The following PABPC4L variants were observed in gnomAD, a reference collection of about 807,000 sequenced individuals.
PABPC4L encodes the protein poly(A) binding protein cytoplasmic 4 like, also known as polyadenylate-binding protein 4-like.
For missense variants in PABPC4L, 452 were observed against 451.4 expected, an observed-to-expected ratio of 1.00 and a Z score of -0.01; for synonymous variants, 169 against 164.1, an observed-to-expected ratio of 1.03 and a Z score of -0.23.
chr4:134,117,830 G>A, the PABPC4L span, among the ~76,000 whole-genome samples: 34 of 151,884 alleles, frequency 2.2e-4, no homozygotes, highest in South Asian at 1.5e-3. Flanking sequence ...GAGGCAATGC[G>A]CCCTGAGGAT....
the PABPC4L span, among the ~76,000 whole-genome samples, chr4:133,996,385 A>C: frequency 5.3e-5 from 8 of 152,122 alleles, no homozygotes; most frequent in African/African-American, 1.9e-4. Context: ...GGGTTATGGG[A>C]AACAATAGTC....
chr4:134,191,799 A>T (rs563130895), downstream of PABPC4L, among the ~76,000 whole-genome samples: 1 of 152,086 alleles, frequency 6.6e-6, no homozygotes, highest in African/African-American at 2.4e-5. Flanking sequence ...TCAATATCCT[A>T]ACTTCTCATC....
chr4:134,014,533 C>A, the PABPC4L span, among the ~76,000 whole-genome samples: 1 of 152,160 alleles, frequency 6.6e-6, no homozygotes, highest in Non-Finnish European at 1.5e-5. Context: ...TGGGACCCCA[C>A]TGGAAATCGG....
chr4:134,100,026 GTGAATGAAATGAA>G, the PABPC4L span, among the ~76,000 whole-genome samples: 13 of 151,660 alleles, frequency 8.6e-5, no homozygotes, highest in Admixed American at 3.3e-4. Context: ...ACAGATTGCT[GTGAATGAAATGAA>G]TGAATGAAAT....
the PABPC4L span, among the ~76,000 whole-genome samples, chr4:134,011,753 A>G: frequency 6.6e-6 from 1 of 152,168 alleles, no homozygotes; most frequent in Non-Finnish European, 1.5e-5. Context: ...AACCCAGAAG[A>G]GTAATTTAAC....
chr4:134,058,745 A>G, the PABPC4L span, among the ~76,000 whole-genome samples: 1 of 152,112 alleles, frequency 6.6e-6, no homozygotes, highest in Non-Finnish European at 1.5e-5. Context: ...AGATAAATAT[A>G]TTGAGAAATA....
At chr4:134,142,383 G>A in the PABPC4L span, among the ~76,000 whole-genome samples, 23 of 151,660 alleles carry the variant, frequency 1.5e-4, no homozygotes, top group Non-Finnish European at 2.1e-4. Context: ...AAGCATAGTC[G>A]AACCTTCTTA....
At chr4:133,973,033 C>A in the PABPC4L span, among the ~76,000 whole-genome samples, 4 of 152,164 alleles carry the variant, frequency 2.6e-5, no homozygotes, top group East Asian at 7.7e-4. Context: ...CAGAGAGCCA[C>A]AGAAATTGTT....
At chr4:134,071,179 TG>T in the PABPC4L span, among the ~76,000 whole-genome samples, 1 of 152,194 alleles carries the variant, frequency 6.6e-6, no homozygotes, top group African/African-American at 2.4e-5. Flanking sequence ...CATGGCTTCC[TG>T]AGGAGTCAGT....
chr4:133,975,332 G>A, the PABPC4L span, among the ~76,000 whole-genome samples: 1 of 152,058 alleles, frequency 6.6e-6, no homozygotes, highest in African/African-American at 2.4e-5. Context: ...TGCAGACTGG[G>A]GGAAGGGGAA....
chr4:134,012,557 T>G, the PABPC4L span, among the ~76,000 whole-genome samples: 1 of 152,106 alleles, frequency 6.6e-6, no homozygotes, highest in East Asian at 1.9e-4. Flanking sequence ...TGCACCCAGG[T>G]GATTAAAAGC....
chr4:134,196,610 T>A lies in PABPC4L; in HGVS notation c.*3297A>T, dbSNP rs1283509386. 2 of 151,716 alleles carry A rather than the reference T, an allele frequency of 1.3e-5. No homozygotes were observed. The highest frequency in any genetic ancestry group is 3.0e-5 in the Non-Finnish European group (2 of 67,684). 9.4% of individuals were successfully genotyped at this position (151,716 alleles called of 1,614,324 possible). On this transcript the variant is annotated 3_prime_UTR_variant, in exon 2 of 2. Transcript: ENST00000421491. ...TCAAGGCATATCTATGTACATTAGCTTTTACTGGAATGCTTATCAGAAAAG... is the reference window on the plus strand; with the variant it reads ...TCAAGGCATATCTATGTACATTAGCATTTACTGGAATGCTTATCAGAAAAG...
At chr4:133,950,743 T>C in the PABPC4L span, among the ~76,000 whole-genome samples, 2 of 152,216 alleles carry the variant, frequency 1.3e-5, no homozygotes, top group Non-Finnish European at 2.9e-5. Flanking sequence ...GGAAGCTTGC[T>C]TAGCAGCTAC....
chr4:134,084,750 A>G, the PABPC4L span, among the ~76,000 whole-genome samples: 1 of 152,144 alleles, frequency 6.6e-6, no homozygotes, highest in Non-Finnish European at 1.5e-5. Context: ...CTGTCTTTTC[A>G]ACACATTTTT....
rs1729869722 is a variant in PABPC4L, at chr4:134,201,196, A to C, written c.-177T>G. 1 of 1,545,936 alleles carries C rather than the reference A, an allele frequency of 6.5e-7. No individual in the cohort carries two copies. The highest frequency in any genetic ancestry group is 8.7e-7 in the Non-Finnish European group (1 of 1,144,638). On this transcript the variant is annotated 5_prime_UTR_variant, in exon 2 of 2. Coordinates refer to ENST00000421491, the MANE Select transcript of PABPC4L (RefSeq NM_001114734.2). ...CCCAGCTCAGGCAACACCCTCATCC[A>C]AAAGTCCCCACAGCCACCAATCTGG...
the PABPC4L span, among the ~76,000 whole-genome samples, chr4:134,081,478 A>T: frequency 0.5 from 76,013 of 151,980 alleles, 20,160 homozygotes; most frequent in East Asian, 0.93. Context: ...CTTCCTAAGT[A>T]TGTCCACAGC....
chr4:134,060,975 A>G, the PABPC4L span, among the ~76,000 whole-genome samples: 4 of 152,088 alleles, frequency 2.6e-5, no homozygotes, highest in East Asian at 7.7e-4. Flanking sequence ...GGGTACAAAA[A>G]ATACCTTGAA....
chr4:134,039,981 A>G, the PABPC4L span, among the ~76,000 whole-genome samples: 1 of 152,194 alleles, frequency 6.6e-6, no homozygotes, highest in East Asian at 1.9e-4. Flanking sequence ...TACAAAAAAA[A>G]TAAAATACCT....
chr4:134,050,880 ATTT>A, the PABPC4L span, among the ~76,000 whole-genome samples: 261 of 134,710 alleles, frequency 1.9e-3, no homozygotes, highest in East Asian at 6.7e-3. Flanking sequence ...ATTGACCTTT[ATTT>A]TTTTTTTTTT....
Sources: gnomAD v4.1 joint callset for allele counts (sites outside exome capture counted in the v4.1 genomes callset) on GRCh38, gnomAD v4.1.1 for gene constraint, MANE v1.5 for transcripts, NCBI Gene and HGNC (gene_info 2026-07-23, HGNC 2026-07-21) for gene names.